The following KCNK10 variants were observed in gnomAD, a reference collection of about 807,000 sequenced individuals.
KCNK10 encodes potassium two pore domain channel subfamily K member 10.
Under a neutral mutation model 47.7 loss-of-function variants are expected in KCNK10, and 25 were observed. The ratio of observed to expected loss-of-function variants is 0.52; its 90% CI spans 0.38 to 0.73. The LOEUF (loss-of-function observed/expected upper bound fraction) is 0.73, where lower values mean the gene tolerates loss of function less well. Ranked by LOEUF, KCNK10 falls within the 30% of genes least tolerant of loss-of-function variation. The probability of loss-of-function intolerance (pLI) is 0.00; values close to 1 mark genes in which losing one functional copy is unlikely to be tolerated. For missense variants in KCNK10, 563 were observed against 714.5 expected (o/e 0.79, Z 2.42); for synonymous variants, 303 against 285.6 (o/e 1.06, Z -0.61).
intron 6 of KCNK10, among the ~76,000 whole-genome samples, chr14:88,187,646 G>A (rs1884613510): frequency 6.9e-6 from 1 of 145,554 alleles, no homozygotes; most frequent in African/African-American, 2.6e-5. Flanking sequence ...CACACACTCA[G>A]CCATAGTCTA....
chr14:88,304,593 C>A (rs533985527), intron 1 of KCNK10, among the ~76,000 whole-genome samples: 2 of 152,190 alleles, frequency 1.3e-5, no homozygotes, highest in Admixed American at 1.3e-4. Context: ...CTTGTTCGAG[C>A]GCTCATGCTG....
At chr14:88,241,728 G>A (rs1595099885) in intron 2 of KCNK10, among the ~76,000 whole-genome samples, 1 of 152,056 alleles carries the variant, frequency 6.6e-6, no homozygotes, top group East Asian at 1.9e-4. Flanking sequence ...CATCCTTCTG[G>A]GTCTAATTCA....
chr14:88,300,854 CAT>C (rs3055901), intron 1 of KCNK10, among the ~76,000 whole-genome samples: 86,729 of 151,780 alleles, frequency 0.57, 25,215 homozygotes, highest in East Asian at 0.73. Flanking sequence ...TTTTATTTAT[CAT>C]ATGTTTTAAA....
chr14:88,200,296 A>C (rs1167526865), intron 4 of KCNK10, among the ~76,000 whole-genome samples: 1 of 152,148 alleles, frequency 6.6e-6, no homozygotes, highest in Non-Finnish European at 1.5e-5. Context: ...GAAGAGAAAA[A>C]GGCAACAAGA....
intron 2 of KCNK10, among the ~76,000 whole-genome samples, chr14:88,262,216 C>T (rs572551009): frequency 5.5e-4 from 84 of 152,240 alleles, no homozygotes; most frequent in African/African-American, 1.9e-3. Flanking sequence ...TGAGACTCTC[C>T]CTCACCTCCA....
At position 88,227,375 on chromosome 14, in the gene KCNK10, T is replaced by G. The variant is rs1886019904; in HGVS notation, c.681A>C (p.Arg227=). The change falls in exon 4 of 7, where the codon CGA becomes CGC. Residue 227 remains arginine (R), a splice_region_variant and synonymous_variant. Coordinates refer to ENST00000319231, the MANE Select transcript of KCNK10 (RefSeq NM_138317.3). ...KSIARVEKVF[R]KKQVSQTKIR... ...AATTTAAATATGACACAGTACTCAC[T>G]CGAAAGACCTTCTCCACTCTTGCAA... The G allele has an allele frequency of 6.2e-7, 1 of 1,607,574 alleles. No homozygotes were observed. Among genetic ancestry groups the G allele is most frequent in the Non-Finnish European group, 8.5e-7 (1 of 1,177,584 alleles).
chr14:88,239,627 G>A (rs10147717), intron 3 of KCNK10, among the ~76,000 whole-genome samples: 7,586 of 152,198 alleles, frequency 0.05, 524 homozygotes, highest in East Asian at 0.28. Flanking sequence ...GGGAGGCTGA[G>A]GCGGGCAGAT....
At chr14:88,220,266 A>C (rs959813781) in intron 4 of KCNK10, among the ~76,000 whole-genome samples, 1 of 150,162 alleles carries the variant, frequency 6.7e-6, no homozygotes, top group Non-Finnish European at 1.5e-5. Flanking sequence ...AAATACAAAA[A>C]ATTAGCCGGG....
intron 2 of KCNK10, among the ~76,000 whole-genome samples, chr14:88,254,595 G>A (rs1886893597): frequency 6.6e-6 from 1 of 152,120 alleles, no homozygotes; most frequent in African/African-American, 2.4e-5. Flanking sequence ...GGCTCCTCAC[G>A]ATTTTATTCT....
intron 1 of KCNK10, among the ~76,000 whole-genome samples, chr14:88,305,145 G>T (rs1888180646): frequency 6.6e-6 from 1 of 151,860 alleles, no homozygotes; most frequent in Non-Finnish European, 1.5e-5. Flanking sequence ...GTTGCAGTGA[G>T]CCAAGATCGC....
intron 1 of KCNK10, among the ~76,000 whole-genome samples, chr14:88,308,825 G>A (rs370814402): frequency 6.6e-6 from 1 of 152,192 alleles, no homozygotes; most frequent in Non-Finnish European, 1.5e-5. Flanking sequence ...TTTTCTAACA[G>A]AATGTCACCA....
chr14:88,244,773 C>T (rs1035227688), intron 2 of KCNK10, among the ~76,000 whole-genome samples: 17 of 152,094 alleles, frequency 1.1e-4, no homozygotes, highest in African/African-American at 4.1e-4. Flanking sequence ...CAACTGAGCT[C>T]GGAACAGTTT....
At chr14:88,197,572 TAAAAAAAAAAAAAAAAAAAAAAAAAAA>T (rs71417717) in intron 4 of KCNK10, among the ~76,000 whole-genome samples, 1 of 17,142 alleles carries the variant, frequency 5.8e-5, no homozygotes, top group Non-Finnish European at 1.5e-4. Flanking sequence ...AGACTCCGAC[TAAAAAAAAAAAAAAAAAAAAAAAAAAA>T]AAAAAAAAAA....
upstream of KCNK10, chr14:88,326,853 C>T (rs537571941): frequency 4.4e-6 from 1 of 227,408 alleles, no homozygotes; most frequent in East Asian, 1.5e-4. Context: ...CTCCCTTACC[C>T]CCTCCCCACG....
intron 1 of KCNK10, among the ~76,000 whole-genome samples, chr14:88,288,799 C>T (rs1887821336): frequency 6.6e-6 from 1 of 152,164 alleles, no homozygotes; most frequent in Non-Finnish European, 1.5e-5. Flanking sequence ...GTTCCCTCAA[C>T]CTGGAACAGT....
rs139139553 is a variant in KCNK10 at position 88,268,778 on chromosome 14, C to T, written c.53-5227G>A. Among the ~76,000 whole-genome samples the T allele has an allele frequency of 8.4e-3, 1,275 of 152,252 alleles. 19 individuals are homozygous for T. Among genetic ancestry groups the T allele is most frequent in the African/African-American group, 0.03 (1,236 of 41,540 alleles). The stretch of plus-strand genomic sequence containing the variant: ...ACAGCTCCAACAGAAGAGTACTGGG[C>T]AGCAAAAGTGCTGCCAAGAATTGAT... On this transcript the variant is annotated intron_variant, in intron 1 of 6. Transcript: ENST00000319231.
At chr14:88,231,973 T>C (rs574159290) in intron 3 of KCNK10, among the ~76,000 whole-genome samples, 8 of 152,342 alleles carry the variant, frequency 5.3e-5, no homozygotes, top group African/African-American at 1.9e-4. Flanking sequence ...AAACACATTT[T>C]TTATGTCTGA....
chr14:88,303,146 T>C (rs1361157370), intron 1 of KCNK10, among the ~76,000 whole-genome samples: 2 of 152,180 alleles, frequency 1.3e-5, no homozygotes, highest in Admixed American at 6.5e-5. Flanking sequence ...TAATATCTGC[T>C]GATGTGATCA....
At chr14:88,258,956 AG>A (rs1485071370) in intron 2 of KCNK10, among the ~76,000 whole-genome samples, 1 of 152,146 alleles carries the variant, frequency 6.6e-6, no homozygotes, top group Non-Finnish European at 1.5e-5. Flanking sequence ...TGGCTTTATG[AG>A]GGGTTCACTC....
Sources: allele counts gnomAD v4.1 joint callset (sites outside exome capture counted in the v4.1 genomes callset), GRCh38; gene constraint gnomAD v4.1.1; transcripts MANE v1.5; gene names NCBI Gene and HGNC (gene_info 2026-07-23, HGNC 2026-07-21).